Variants in DLG2 observed in about 807,000 individuals in gnomAD.
DLG2 encodes the protein disks large homolog 2.
Under a neutral mutation model 132.5 loss-of-function variants are expected in DLG2, and 45 were observed. That is an observed-to-expected ratio of 0.34 (90% CI 0.27 to 0.44). The LOEUF is 0.44. Ranked by LOEUF, DLG2 falls within the 20% of genes least tolerant of loss-of-function variation. The pLI is 1.00. For synonymous variants in DLG2, 424 were observed against 419.6 expected, an observed-to-expected ratio of 1.01 and a Z score of -0.13; for missense variants, 1,045 against 1,196.9, an observed-to-expected ratio of 0.87 and a Z score of 1.87.
chr11:84,813,868 C>G (rs1006739580), intron 6 of DLG2, among the ~76,000 whole-genome samples: 1 of 152,108 alleles, frequency 6.6e-6, no homozygotes, highest in Non-Finnish European at 1.5e-5. Flanking sequence ...CCCCCTCCCT[C>G]TACACCTCTC....
At chr11:85,295,208 C>T (rs888041092) in intron 3 of DLG2, among the ~76,000 whole-genome samples, 1 of 151,974 alleles carries the variant, frequency 6.6e-6, no homozygotes, top group Non-Finnish European at 1.5e-5. Context: ...AAAGATTTAC[C>T]ATGTAAATTC....
chr11:83,667,003 C>A (rs1296667237), intron 18 of DLG2, among the ~76,000 whole-genome samples: 2 of 152,194 alleles, frequency 1.3e-5, no homozygotes, highest in African/African-American at 4.8e-5. Flanking sequence ...CCGGAACTGG[C>A]CTGGGCAAAC....
intron 6 of DLG2, among the ~76,000 whole-genome samples, chr11:84,967,127 T>A (rs1445969348): frequency 1.3e-5 from 2 of 152,176 alleles, no homozygotes; most frequent in Non-Finnish European, 2.9e-5. Flanking sequence ...CAACTGCTTG[T>A]AATTCCAGCT....
chr11:84,949,187 C>G lies in DLG2; in HGVS notation c.357+162474G>C, dbSNP rs980325657. Among the ~76,000 whole-genome samples, 20 of 152,148 alleles carry G rather than the reference C, an allele frequency of 1.3e-4. No homozygotes were observed. In the South Asian group the frequency reaches 3.1e-3, roughly 24 times the overall value. On this transcript the variant is annotated intron_variant, in intron 6 of 27. Coordinates refer to ENST00000376104, the MANE Select transcript of DLG2 (RefSeq NM_001142699.3). ...GGTAGGATCCGTGATGGCCCACAAG[C>G]CACAAAAACCAGCAAGTTTTTATTA...
chr11:85,133,515 G>A (rs1283919782), intron 5 of DLG2, among the ~76,000 whole-genome samples: 1 of 152,184 alleles, frequency 6.6e-6, no homozygotes, highest in Non-Finnish European at 1.5e-5. Context: ...AATCAAGCCA[G>A]TGACATAAGG....
chr11:83,550,423 T>A (rs924194217), intron 19 of DLG2, among the ~76,000 whole-genome samples: 1 of 152,152 alleles, frequency 6.6e-6, no homozygotes, highest in Non-Finnish European at 1.5e-5. Context: ...CATCAGAGTC[T>A]CCAGGGACGG....
intron 18 of DLG2, among the ~76,000 whole-genome samples, chr11:83,709,464 A>G (rs2084883945): frequency 6.6e-6 from 1 of 151,716 alleles, no homozygotes; most frequent in South Asian, 2.1e-4. Context: ...CTTTCTGGCC[A>G]ACTAATCTGG....
intron 11 of DLG2, among the ~76,000 whole-genome samples, chr11:84,048,455 T>C (rs2096284251): frequency 6.6e-6 from 1 of 151,690 alleles, no homozygotes. Context: ...TCGTGCTTAT[T>C]GAACAAATCA....
intron 6 of DLG2, among the ~76,000 whole-genome samples, chr11:84,817,128 G>A (rs1031259898): frequency 6.6e-6 from 1 of 151,912 alleles, no homozygotes; most frequent in Non-Finnish European, 1.5e-5. Context: ...CATAAATTAG[G>A]CACTCAGAGC....
Position 84,338,640 on chromosome 11 carries a change from T to C in DLG2, c.520-87349A>G, listed in dbSNP as rs1319484262. Reference sequence around the variant, plus strand: ...GAGATCAAGACCAACCTGGCTAACATGCTGAAATACAAAAAAATTAGTTGG... The same window carrying C: ...GAGATCAAGACCAACCTGGCTAACACGCTGAAATACAAAAAAATTAGTTGG... On this transcript the variant is annotated intron_variant, in intron 7 of 27. Transcript: ENST00000376104. 2.6e-5 allele frequency among the ~76,000 whole-genome samples: 4 copies of C among 151,978 alleles called. 1 individual carries two copies. The highest frequency in any genetic ancestry group is 6.8e-3 in the Middle Eastern group (2 of 294).
At chr11:84,435,717 C>A (rs991605427) in intron 7 of DLG2, among the ~76,000 whole-genome samples, 1 of 152,118 alleles carries the variant, frequency 6.6e-6, no homozygotes, top group South Asian at 2.1e-4. Flanking sequence ...AGATTGAAAG[C>A]CCCTTACTAG....
At chr11:84,835,571 T>C (rs1401207408) in intron 6 of DLG2, among the ~76,000 whole-genome samples, 1 of 151,906 alleles carries the variant, frequency 6.6e-6, no homozygotes, top group East Asian at 1.9e-4. Context: ...TCTTAGTACA[T>C]ATGACTTTCC....
chr11:85,238,734 G>A (rs191012436), intron 4 of DLG2, among the ~76,000 whole-genome samples: 63 of 152,030 alleles, frequency 4.1e-4, no homozygotes, highest in African/African-American at 1.5e-3. Context: ...CTACATAAAA[G>A]CTGCATTTTC....
At chr11:83,980,482 C>G (rs1219558237) in intron 12 of DLG2, 24 bp downstream of exon 12, 1 of 1,601,150 alleles carries the variant, frequency 6.2e-7, no homozygotes, top group Non-Finnish European at 8.5e-7. Flanking sequence ...AATATACACA[C>G]AGTTTTGCTG....
intron 6 of DLG2, among the ~76,000 whole-genome samples, chr11:84,864,287 T>C (rs1396768491): frequency 2.6e-5 from 4 of 152,258 alleles, no homozygotes; most frequent in East Asian, 3.9e-4. Flanking sequence ...CTCAGATACT[T>C]GCAAAGAAGC....
At chr11:83,840,070 G>A (rs911397323) in intron 16 of DLG2, among the ~76,000 whole-genome samples, 9 of 152,294 alleles carry the variant, frequency 5.9e-5, no homozygotes, top group South Asian at 4.1e-4. Flanking sequence ...GTGCTTCCCT[G>A]AGTTTGACAT....
At chr11:83,481,780 ATTATC>A (rs2093132639) in intron 22 of DLG2, among the ~76,000 whole-genome samples, 1 of 152,140 alleles carries the variant, frequency 6.6e-6, no homozygotes, top group Non-Finnish European at 1.5e-5. Context: ...CATGGAGATT[ATTATC>A]TTAAGTGCCT....
chr11:85,155,858 C>CAAAAAAAAAAAAAAAAAA (rs199571938), intron 4 of DLG2, among the ~76,000 whole-genome samples: 1 of 105,422 alleles, frequency 9.5e-6, no homozygotes. Context: ...GACTCTGTAT[C>CAAAAAAAAAAAAAAAAAA]AAAAAAAAAA....
intron 6 of DLG2, among the ~76,000 whole-genome samples, chr11:84,555,525 T>A (rs1372082102): frequency 6.6e-6 from 1 of 152,172 alleles, no homozygotes; most frequent in Non-Finnish European, 1.5e-5. Flanking sequence ...TATGGACATA[T>A]CTTAAGGACA....
Sources: gnomAD v4.1 joint callset for allele counts (sites outside exome capture counted in the v4.1 genomes callset) on GRCh38, gnomAD v4.1.1 for gene constraint, MANE v1.5 for transcripts, NCBI Gene and HGNC (gene_info 2026-07-23, HGNC 2026-07-21) for gene names.